RFX6: variants seen among roughly 807,000 people sequenced by gnomAD.
RFX6 encodes the protein regulatory factor X6.
In RFX6, 50 loss-of-function variants were observed where a neutral mutation model predicts 110.8. The ratio of observed to expected loss-of-function variants is 0.45; its 90% confidence interval spans 0.36 to 0.57. The LOEUF (loss-of-function observed/expected upper bound fraction) is 0.57, where lower values mean the gene tolerates loss of function less well. Among genes scored for constraint, RFX6 ranks in the 20% least tolerant of loss-of-function variants. The pLI, the probability that RFX6 is intolerant of heterozygous loss-of-function variation, is 0.00. For missense variants in RFX6, 990 were observed against 1,127.0 expected, an observed-to-expected ratio of 0.88 and a Z score of 1.74; for synonymous variants, 383 against 411.2, an observed-to-expected ratio of 0.93 and a Z score of 0.83.
Position 116,925,504 on chromosome 6 carries a change from A to G in RFX6, c.1730A>G (p.Asn577Ser). The part of the protein sequence containing the change: ...TASPSSCFLA[N>S]RNKGSMVSSD... The stretch of plus-strand genomic sequence containing the variant: ...TCTCCGAGTTCATGCTTTCTGGCCA[A>G]CCGTAATAAAGGGAGCATGGTTTCC... Residue 577 changes from asparagine (N) to serine (S), a missense_variant, in exon 16 of 19, where the codon AAC becomes AGC. Asn to Ser is a conservative substitution (Grantham distance 46, BLOSUM62 1). This residue lies in a region of RFX6 where 438 missense variants were observed against 441.9 expected (regional missense o/e 0.99). Coordinates refer to ENST00000332958, the MANE Select transcript of RFX6 (RefSeq NM_173560.4). The G allele has an allele frequency of 6.2e-7, 1 of 1,614,184 alleles. No homozygotes were observed. Among genetic ancestry groups the G allele is most frequent in the Non-Finnish European group, 8.5e-7 (1 of 1,179,996 alleles).
At chr6:116,909,719 T>C (rs143130151) in intron 6 of RFX6, among the ~76,000 whole-genome samples, 3,628 of 139,454 alleles carry the variant, frequency 0.026, 100 homozygotes, top group Non-Finnish European at 0.042. Flanking sequence ...ATTTTAAATA[T>C]AAAGCTCATT....
chr6:116,890,501 A>G (rs1239094720), intron 4 of RFX6, among the ~76,000 whole-genome samples: 3 of 152,150 alleles, frequency 2.0e-5, no homozygotes, highest in African/African-American at 7.2e-5. Flanking sequence ...CATGGCACAC[A>G]GTGAGCACTG....
chr6:116,898,176 G>A (rs1278939871), intron 6 of RFX6, among the ~76,000 whole-genome samples: 1 of 152,162 alleles, frequency 6.6e-6, no homozygotes, highest in African/African-American at 2.4e-5. Context: ...AAGGATCCAT[G>A]GAATTAGTTA....
In RFX6 at chr6:116,928,854, C is replaced by G; in HGVS notation, c.2494C>G (p.Pro832Ala). The G allele has an allele frequency of 6.2e-7, 1 of 1,611,298 alleles. No individual in the cohort carries two copies. The highest frequency in any genetic ancestry group is 1.7e-5 in the Admixed American group (1 of 60,012). Residue 832 changes from proline (P) to alanine (A), a missense_variant, in exon 18 of 19, where the codon CCC (proline) becomes GCC (alanine). This residue lies in a region of RFX6 where 438 missense variants were observed against 441.9 expected (regional missense o/e 0.99). Transcript: ENST00000332958. ...VSVISSIRSLPPYSDIHDPLN... is the reference protein window; with the variant it reads ...VSVISSIRSLAPYSDIHDPLN... ...TGTCATCAGCAGCATTCGTTCACTG[C>G]CCCCCTACAGTGACATCCACGATCC...
chr6:116,899,136 G>A (rs560743266), intron 6 of RFX6, among the ~76,000 whole-genome samples: 287 of 151,824 alleles, frequency 1.9e-3, no homozygotes, highest in Admixed American at 3.0e-3. Context: ...AAATATTCAG[G>A]AACAGTTATA....
chr6:116,920,429 C>A lies in RFX6; in HGVS notation c.1302C>A (p.Asp434Glu). The stretch of plus-strand genomic sequence containing the variant: ...TTCTTACCATTTCAGGCAGCACAGA[C>A]ACTGAATCTGGTATCTACACTGAAC... The part of the protein sequence containing the change: ...QALLTISGST[D>E]TESGIYTEHD... Residue 434 changes from aspartate (D) to glutamate (E), a missense_variant, in exon 12 of 19, where the codon GAC becomes GAA. This residue lies in a region of RFX6 where 45 missense variants were observed against 29.3 expected (regional missense o/e 1.53). Coordinates refer to ENST00000332958, the MANE Select transcript of RFX6 (RefSeq NM_173560.4). 1 of 1,613,288 alleles carries A rather than the reference C, an allele frequency of 6.2e-7. No individual in the cohort carries two copies. Among genetic ancestry groups the A allele is most frequent in the Non-Finnish European group, 8.5e-7 (1 of 1,179,368 alleles).
chr6:116,931,279 G>A, intron 18 of RFX6, 52 bp from the exon 19 acceptor site: 1 of 1,368,906 alleles, frequency 7.3e-7, no homozygotes, highest in Non-Finnish European at 1.0e-6. Context: ...CATTTGCAGA[G>A]AAAAGAAAAT....
chr6:116,883,192 G>T (rs1275539215), intron 4 of RFX6, among the ~76,000 whole-genome samples: 3 of 152,052 alleles, frequency 2.0e-5, no homozygotes, highest in African/African-American at 7.2e-5. Context: ...CTCTGACCTA[G>T]TCCATTTCCT....
At position 116,913,799 on chromosome 6, in the gene RFX6, G is replaced by T. The variant is rs574987594; in HGVS notation, c.781-2209G>T. On this transcript the variant is annotated intron_variant, in intron 7 of 18. Coordinates refer to ENST00000332958, the MANE Select transcript of RFX6 (RefSeq NM_173560.4). ...AGGGCTCAAAGGATTAATTTTGAAA[G>T]AATTTATTGATATGGAATAGATGTA... Among the ~76,000 whole-genome samples, 85 of 152,260 alleles carry T rather than the reference G, an allele frequency of 5.6e-4. 1 individual carries two copies. The South Asian group carries it at 7.2e-3, about 13-fold the overall frequency.
At chr6:116,900,760 A>G (rs1339756295) in intron 6 of RFX6, among the ~76,000 whole-genome samples, 1 of 152,160 alleles carries the variant, frequency 6.6e-6, no homozygotes, top group Non-Finnish European at 1.5e-5. Context: ...TATCAAAGAA[A>G]TGGTTACATA....
At chr6:116,893,615 GT>G in intron 4 of RFX6, among the ~76,000 whole-genome samples, 1 of 152,130 alleles carries the variant, frequency 6.6e-6, no homozygotes. Context: ...GCATTTTCTT[GT>G]CCAATTGACT....
At chr6:116,916,725 A>G (rs952975735) in intron 9 of RFX6, among the ~76,000 whole-genome samples, 1 of 152,102 alleles carries the variant, frequency 6.6e-6, no homozygotes, top group Admixed American at 6.6e-5. Flanking sequence ...AAAAACCTCT[A>G]ACTTTAATGC....
chr6:116,915,919 A>T (rs1775451771), intron 7 of RFX6, 89 bp from the exon 8 acceptor site: 1 of 933,024 alleles, frequency 1.1e-6, no homozygotes, highest in African/African-American at 1.6e-5. Context: ...ACGTAATAGG[A>T]TCTTTTAAAA....
chr6:116,925,575 C>T lies in RFX6; in HGVS notation c.1801C>T (p.Pro601Ser). 1.2e-6 allele frequency: 2 copies of T among 1,614,040 alleles called. No homozygotes were observed. Among genetic ancestry groups the T allele is most frequent in the Non-Finnish European group, 1.7e-6 (2 of 1,179,898 alleles). Reference sequence around the variant, plus strand: ...AAGCCACGTGGAGACAACCTATCTCCCTCTGCCATCCAGTCAACCTGGAGG... The same window carrying T: ...AAGCCACGTGGAGACAACCTATCTCTCTCTGCCATCCAGTCAACCTGGAGG... ...NESHVETTYL[P>S]LPSSQPGGLG... is the part of the protein sequence containing the mutation. Residue 601 changes from proline to serine, a missense_variant, in exon 16 of 19, where the codon CCT (proline) becomes TCT (serine). By Grantham distance (74) the Pro-to-Ser change is moderately conservative. Coordinates refer to ENST00000332958, the MANE Select transcript of RFX6 (RefSeq NM_173560.4).
At position 116,894,002 on chromosome 6, in the gene RFX6, G is replaced by A. The variant is rs978984598; in HGVS notation, c.582G>A (p.Gly194=). ...TTTGCTCTAGGTATCATTACTATGG[G>A]ATTGGCATCAAAGAGAGCAGTGCAT... ...TRGHSKYHYY[G]IGIKESSAYY... The change falls in exon 5 of 19, where the codon GGG becomes GGA. Residue 194 remains glycine (G), a synonymous_variant. Transcript: ENST00000332958. 2 of 1,598,616 alleles carry A rather than the reference G, an allele frequency of 1.3e-6. No individual in the cohort carries two copies. The highest frequency in any genetic ancestry group is 8.6e-7 in the Non-Finnish European group (1 of 1,166,156).
rs763236559 is a variant in RFX6, at chr6:116,928,762, A to G, written c.2402A>G (p.Tyr801Cys). 3 of 1,608,480 alleles carry G rather than the reference A, an allele frequency of 1.9e-6. No homozygotes were observed. Among genetic ancestry groups the G allele is most frequent in the Admixed American group, 3.3e-5 (2 of 59,988 alleles). Residue 801 changes from tyrosine to cysteine, a missense_variant, in exon 18 of 19, where the codon TAC (tyrosine) becomes TGC (cysteine). Physicochemically the swap from Tyr to Cys is radical, Grantham distance 194 (BLOSUM62 -2). This residue lies in a region of RFX6 where 438 missense variants were observed against 441.9 expected (regional missense o/e 0.99). Coordinates refer to ENST00000332958, the MANE Select transcript of RFX6 (RefSeq NM_173560.4). ...TTCTCAACATTTTCTGTTACAGGAT[A>G]CTATGGAAGCAACATAAACTACCCA... ...ATLPPNSPNG[Y>C]YGSNINYPES... is the part of the protein sequence containing the mutation.
intron 4 of RFX6, among the ~76,000 whole-genome samples, chr6:116,887,739 C>T (rs1423181787): frequency 2.6e-5 from 4 of 152,116 alleles, no homozygotes; most frequent in East Asian, 1.9e-4. Context: ...AAACAGGGTA[C>T]CTGCTGGCAA....
At chr6:116,898,026 G>A (rs774067482) in intron 6 of RFX6, among the ~76,000 whole-genome samples, 8 of 151,988 alleles carry the variant, frequency 5.3e-5, no homozygotes, top group Admixed American at 1.3e-4. Flanking sequence ...AGGAAGAGTC[G>A]GTGAGATAAC....
chr6:116,895,890 A>G (rs1291891005), intron 6 of RFX6, among the ~76,000 whole-genome samples: 1 of 152,190 alleles, frequency 6.6e-6, no homozygotes, highest in Non-Finnish European at 1.5e-5. Flanking sequence ...ACCTGAGGTA[A>G]AGTGTAACTC....
Sources: allele counts gnomAD v4.1 joint callset (sites outside exome capture counted in the v4.1 genomes callset), GRCh38; gene constraint gnomAD v4.1.1; regional missense constraint gnomAD v4.1.1; transcripts MANE v1.5; gene names NCBI Gene and HGNC (gene_info 2026-07-23, HGNC 2026-07-21).